The following EPRS1 variants were observed in gnomAD, a reference collection of about 807,000 sequenced individuals.
The protein encoded by EPRS1 is bifunctional glutamate/proline--tRNA ligase.
In EPRS1, 107 loss-of-function variants were observed where a neutral mutation model predicts 188.3. The observed-to-expected ratio is 0.57, with a 90% CI of 0.49 to 0.67. EPRS1 has a LOEUF of 0.67. Among genes scored for constraint, EPRS1 ranks in the 30% least tolerant of loss-of-function variants. The probability of loss-of-function intolerance (pLI) is 0.00; values close to 1 mark genes in which losing one functional copy is unlikely to be tolerated. For missense variants in EPRS1, 1,577 were observed against 1,802.2 expected (o/e 0.88, Z 2.26); for synonymous variants, 596 against 593.1 (o/e 1.00, Z -0.07).
chr1:219,973,284 T>C lies in EPRS1; in HGVS notation c.4198A>G (p.Lys1400Glu), dbSNP rs1660704120. The C allele has an allele frequency of 6.2e-7, 1 of 1,612,910 alleles. No individual in the cohort carries two copies. Among genetic ancestry groups the C allele is most frequent in the East Asian group, 2.2e-5 (1 of 44,856 alleles). The change falls in exon 29 of 32, where the codon AAA becomes GAA. Residue 1400 changes from lysine to glutamate, a missense_variant. Around this residue, in one of 3 missense-constraint regions of EPRS1, gnomAD observed 296 missense variants for 327.9 expected, o/e 0.90. Coordinates refer to ENST00000366923, the MANE Select transcript of EPRS1 (RefSeq NM_004446.3). ...ATGTCTTCCAAAATAGCTTGAAGTT[T>C]AGTCTCTGCCTCATTTTCAGCAACT... Reference protein sequence around the residue: ...LTVAENEAETKLQAILEDIQV... With the variant: ...LTVAENEAETELQAILEDIQV...
At chr1:220,015,062 G>C (rs10779395) in intron 12 of EPRS1, among the ~76,000 whole-genome samples, 1 of 152,064 alleles carries the variant, frequency 6.6e-6, no homozygotes, top group Non-Finnish European at 1.5e-5. Context: ...TAAACTAAAA[G>C]ACAAGAAGGA....
chr1:219,973,252 G>C lies in EPRS1; in HGVS notation c.4230C>G (p.Val1410=). 1 of 1,612,406 alleles carries C rather than the reference G, an allele frequency of 6.2e-7. No homozygotes were observed. The highest frequency in any genetic ancestry group is 1.3e-5 in the African/African-American group (1 of 74,710). Residue 1410 remains valine (V), a synonymous_variant, in exon 29 of 32, where the codon GTC becomes GTG. Transcript: ENST00000366923. ...TAAGAAACTACCTTGTGAAAAGGGT[G>C]ACCTGGATGTCTTCCAAAATAGCTT... ...KLQAILEDIQ[V]TLFTRASEDL...
In EPRS1 at chr1:220,001,168, T is replaced by C. The variant is rs1661343263; in HGVS notation, c.2151A>G (p.Glu717=). 1 of 1,613,478 alleles carries C rather than the reference T, an allele frequency of 6.2e-7. No homozygotes were observed. The highest frequency in any genetic ancestry group is 8.5e-7 in the Non-Finnish European group (1 of 1,179,514). The change falls in exon 17 of 32, where the codon GAA becomes GAG. Residue 717 remains glutamate, a synonymous_variant. Transcript: ENST00000366923. ...TTTTTGTGGCTTCTACTTTGGTCTT[T>C]TCCTTTGACCCTGATGTTGGCATTT... ...TKEMPTSGSK[E]KTKVEATKNE...
chr1:219,975,398 A>C (rs1045403815), intron 28 of EPRS1, among the ~76,000 whole-genome samples: 1 of 152,210 alleles, frequency 6.6e-6, no homozygotes, highest in Non-Finnish European at 1.5e-5. Context: ...ACAAGCACAA[A>C]ATGGAGAAAA....
chr1:220,032,132 T>A (rs1662095656), intron 5 of EPRS1, among the ~76,000 whole-genome samples: 1 of 152,008 alleles, frequency 6.6e-6, no homozygotes, highest in Admixed American at 6.6e-5. Context: ...AGGAGTGCAG[T>A]GGCGCGATCT....
At chr1:220,002,725 TG>T (rs1661383643) in intron 16 of EPRS1, among the ~76,000 whole-genome samples, 1 of 151,964 alleles carries the variant, frequency 6.6e-6, no homozygotes, top group Admixed American at 6.6e-5. Context: ...ATAGGTGTGG[TG>T]GCACATATCT....
chr1:220,007,618 T>C (rs2102581355), intron 13 of EPRS1, among the ~76,000 whole-genome samples: 1 of 152,360 alleles, frequency 6.6e-6, no homozygotes. Context: ...TGACATCAGA[T>C]CAGCAACCTG....
chr1:220,019,881 C>T, intron 10 of EPRS1, 107 bp downstream of exon 10: 2 of 728,206 alleles, frequency 2.7e-6, no homozygotes, highest in Non-Finnish European at 4.8e-6. Context: ...TATAGGCCTA[C>T]CCATTCCCCC....
intron 2 of EPRS1, among the ~76,000 whole-genome samples, chr1:220,037,221 G>C (rs569213305): frequency 6.6e-6 from 1 of 151,734 alleles, no homozygotes; most frequent in African/African-American, 2.4e-5. Flanking sequence ...TAAAAATAAA[G>C]AGGCCAGGCG....
At chr1:219,996,400 G>C (rs144604301) in intron 18 of EPRS1, among the ~76,000 whole-genome samples, 209 of 152,268 alleles carry the variant, frequency 1.4e-3, no homozygotes, top group African/African-American at 4.8e-3. Flanking sequence ...TCTACACCAG[G>C]AGTTCTCAAA....
In EPRS1 at chr1:220,011,870, T is replaced by C. The variant is rs955027660; in HGVS notation, c.1495-814A>G. ...GTTTAGACACTATATATAAAGCACA[T>C]GTGAGAAAAATGTAGATGAAAGCAG... On this transcript the variant is annotated intron_variant, in intron 12 of 31. Transcript: ENST00000366923. Among the ~76,000 whole-genome samples the C allele has an allele frequency of 2.6e-5, 4 of 152,318 alleles. No homozygotes were observed. The East Asian group carries it at 5.8e-4, about 22-fold the overall frequency.
At chr1:220,017,259 G>C (rs1259775736) in intron 12 of EPRS1, among the ~76,000 whole-genome samples, 1 of 152,134 alleles carries the variant, frequency 6.6e-6, no homozygotes, top group Non-Finnish European at 1.5e-5. Flanking sequence ...ATCTAGAAGA[G>C]ATGAAAGTGC....
chr1:219,992,125 G>A (rs1034529828), intron 18 of EPRS1, among the ~76,000 whole-genome samples: 2 of 152,114 alleles, frequency 1.3e-5, no homozygotes, highest in African/African-American at 2.4e-5. Flanking sequence ...GCAGGGTGGC[G>A]GCTTCCTAGA....
intron 6 of EPRS1, among the ~76,000 whole-genome samples, chr1:220,027,733 G>A (rs1006460475): frequency 1.3e-4 from 20 of 151,748 alleles, no homozygotes; most frequent in African/African-American, 2.4e-4. Flanking sequence ...CTGTAATCCC[G>A]ACACTATGGG....
chr1:219,975,539 C>T lies in EPRS1; in HGVS notation c.4084-2141G>A, dbSNP rs189018831. Among the ~76,000 whole-genome samples, 72 of 152,164 alleles carry T rather than the reference C, an allele frequency of 4.7e-4. 1 individual carries two copies. Among genetic ancestry groups the T allele is most frequent in the African/African-American group, 1.5e-3 (63 of 41,522 alleles). On this transcript the variant is annotated intron_variant, in intron 28 of 31. Coordinates refer to ENST00000366923, the MANE Select transcript of EPRS1 (RefSeq NM_004446.3). ...GCAACCTCCGCCTCCCAGGTTCAAG[C>T]GATTCTCCTGCCTCAGCCTCCTGAG...
At chr1:220,006,619 C>A (rs1222392801) in intron 14 of EPRS1, among the ~76,000 whole-genome samples, 1 of 151,992 alleles carries the variant, frequency 6.6e-6, no homozygotes, top group East Asian at 1.9e-4. Flanking sequence ...CTTAAAGTCA[C>A]CTGCATCAAG....
At chr1:220,032,658 T>C (rs1201454781) in intron 4 of EPRS1, 132 bp from the exon 5 acceptor site, 3 of 850,004 alleles carry the variant, frequency 3.5e-6, no homozygotes, top group Non-Finnish European at 5.6e-6. Context: ...GTTAAATATC[T>C]GGATATACAC....
In EPRS1 at chr1:219,987,216, G is replaced by A. The variant is rs1208436187; in HGVS notation, c.2964C>T (p.Asp988=). 6.2e-7 allele frequency: 1 copy of A among 1,614,026 alleles called. No homozygotes were observed. The highest frequency in any genetic ancestry group is 1.1e-5 in the South Asian group (1 of 91,068). Residue 988 remains aspartate, a synonymous_variant, in exon 20 of 32, where the codon GAC becomes GAT. Coordinates refer to ENST00000366923, the MANE Select transcript of EPRS1 (RefSeq NM_004446.3). ...GCCCACCTCCTTGGTTTTTAGAAGGGTCTTTCCTTTGGCCATCATTTTGTT... is the reference window on the plus strand; with the variant it reads ...GCCCACCTCCTTGGTTTTTAGAAGGATCTTTCCTTTGGCCATCATTTTGTT... The part of the protein sequence containing the change: ...PQKQNDGQRK[D]PSKNQGGGLS...
At chr1:220,022,854 G>A (rs575993397) in intron 8 of EPRS1, among the ~76,000 whole-genome samples, 1 of 152,336 alleles carries the variant, frequency 6.6e-6, no homozygotes, top group African/African-American at 2.4e-5. Flanking sequence ...GGCACAACGG[G>A]CCAGCCCCTT....
Sources: allele counts gnomAD v4.1 joint callset (sites outside exome capture counted in the v4.1 genomes callset), GRCh38; gene constraint gnomAD v4.1.1; regional missense constraint gnomAD v4.1.1; transcripts MANE v1.5; gene names NCBI Gene and HGNC (gene_info 2026-07-23, HGNC 2026-07-21).